The following CLIP3 variants were observed in gnomAD, a reference collection of about 807,000 sequenced individuals.
CLIP3 encodes the protein CAP-Gly domain containing linker protein 3.
A neutral mutation model predicts 59.4 loss-of-function variants in CLIP3; 15 were observed. The observed-to-expected ratio is 0.25, with a 90% CI of 0.17 to 0.39. CLIP3 has a LOEUF of 0.39. Among genes scored for constraint, CLIP3 ranks in the 10% least tolerant of loss-of-function variants. The pLI, the probability that CLIP3 is intolerant of heterozygous loss-of-function variation, is 1.00. For missense variants in CLIP3, 495 were observed against 765.7 expected, an observed-to-expected ratio of 0.65 and a Z score of 4.17; for synonymous variants, 300 against 321.6, an observed-to-expected ratio of 0.93 and a Z score of 0.72.
chr19:36,032,180 G>T lies in CLIP3; in HGVS notation c.166+12C>A, dbSNP rs1969282626. ...GCTCCAGGCCAGATTCCAGGGTGGGGACAGTGGTTACCGTAGTCCTTAGGG... is the reference window on the plus strand; with the variant it reads ...GCTCCAGGCCAGATTCCAGGGTGGGTACAGTGGTTACCGTAGTCCTTAGGG... On this transcript the variant is annotated intron_variant, in intron 2 of 13. Transcript: ENST00000360535. The surrounding 1 kb of genome is among the most constrained non-coding windows in gnomAD (Gnocchi z 4.3). The T allele has an allele frequency of 8.0e-7, 1 of 1,254,012 alleles. No homozygotes were observed. The highest frequency in any genetic ancestry group is 1.0e-6 in the Non-Finnish European group (1 of 985,986). The allele number at this position is 1,254,012 out of a possible 1,614,324, so 77.7% of individuals were successfully genotyped here.
In CLIP3 at chr19:36,032,597, C is replaced by G. The variant is rs888279683; in HGVS notation, c.-59+127G>C. The stretch of plus-strand genomic sequence containing the variant: ...GCCTGCCACCTCCCCCAGGCCCAGC[C>G]CCCCATTCTTCTCCTCCCGCGTCAG... On this transcript the variant is annotated intron_variant, in intron 1 of 13. Coordinates refer to ENST00000360535, the MANE Select transcript of CLIP3 (RefSeq NM_015526.3). This position sits in a 1 kb window ranked among gnomAD's most constrained non-coding sequence, Gnocchi z 4.3. 2.8e-6 allele frequency: 1 copy of G among 362,926 alleles called. No homozygotes were observed. The highest frequency in any genetic ancestry group is 4.6e-5 in the Admixed American group (1 of 21,604). The allele number at this position is 362,926 out of a possible 1,614,324, so 22.5% of individuals were successfully genotyped here.
Position 36,025,301 on chromosome 19 carries a change from C to T in CLIP3, c.682-669G>A, listed in dbSNP as rs570852909. Among the ~76,000 whole-genome samples, 23 of 152,120 alleles carry T rather than the reference C, an allele frequency of 1.5e-4. No homozygotes were observed. The East Asian group carries it at 3.3e-3, about 22-fold the overall frequency. ...GTGGGAGATGAACATTGAGAATGGG[C>T]TCCTGTGGGCTGGGTGCAGTGGCTT... is the stretch of plus-strand genomic sequence containing the variant. On this transcript the variant is annotated intron_variant, in intron 6 of 13. Coordinates refer to ENST00000360535, the MANE Select transcript of CLIP3 (RefSeq NM_015526.3).
chr19:36,019,316 G>C lies in CLIP3; in HGVS notation c.919-10C>G, dbSNP rs1351238183. The stretch of plus-strand genomic sequence containing the variant: ...ACCGCAGTGTGCCCGTCTGGGGAGA[G>C]AAGGGAGGCGATGGCTAAGGAAGGA... On this transcript the variant is annotated splice_polypyrimidine_tract_variant and intron_variant, in intron 7 of 13. Coordinates refer to ENST00000360535, the MANE Select transcript of CLIP3 (RefSeq NM_015526.3). 6.2e-7 allele frequency: 1 copy of C among 1,606,144 alleles called. No individual in the cohort carries two copies. The highest frequency in any genetic ancestry group is 1.7e-5 in the Admixed American group (1 of 58,908).
chr19:36,020,978 C>T (rs140225023), intron 7 of CLIP3, among the ~76,000 whole-genome samples: 11 of 152,224 alleles, frequency 7.2e-5, no homozygotes, highest in Non-Finnish European at 1.6e-4. Flanking sequence ...CTCAGTCTCC[C>T]GAGTAGCTGG....
In CLIP3 at chr19:36,026,188, C is replaced by T; in HGVS notation, c.640G>A (p.Ala214Thr). The change falls in exon 6 of 14, where the codon GCC becomes ACC. Residue 214 changes from alanine to threonine, a missense_variant. Ala to Thr is a moderately conservative substitution (Grantham distance 58, BLOSUM62 0). Around this residue, in one of 5 missense-constraint regions of CLIP3, gnomAD observed 194 missense variants for 327.8 expected, o/e 0.59. Coordinates refer to ENST00000360535, the MANE Select transcript of CLIP3 (RefSeq NM_015526.3). The surrounding 1 kb of genome is among the most constrained non-coding windows in gnomAD (Gnocchi z 6.3). Reference sequence around the variant, plus strand: ...GCGCCGTGCTCCAGCAAACATTTGGCGGCGCCCAGGCACAGGCTGGAAGCA... The same window carrying T: ...GCGCCGTGCTCCAGCAAACATTTGGTGGCGCCCAGGCACAGGCTGGAAGCA... Reference protein sequence around the residue: ...IAASSLCLGAAKCLLEHGANP... With the variant: ...IAASSLCLGATKCLLEHGANP... 1 of 1,613,740 alleles carries T rather than the reference C, an allele frequency of 6.2e-7. No individual in the cohort carries two copies. The highest frequency in any genetic ancestry group is 8.5e-7 in the Non-Finnish European group (1 of 1,179,938).
At position 36,026,936 on chromosome 19, in the gene CLIP3, G is replaced by A. The variant is rs762655031; in HGVS notation, c.400+16C>T. 6.5e-7 allele frequency: 1 copy of A among 1,530,382 alleles called. No homozygotes were observed. Among genetic ancestry groups the A allele is most frequent in the Non-Finnish European group, 8.8e-7 (1 of 1,141,574 alleles). The allele number at this position is 1,530,382 out of a possible 1,614,324, so 94.8% of individuals were successfully genotyped here. On this transcript the variant is annotated intron_variant, in intron 4 of 13. Transcript: ENST00000360535. The surrounding 1 kb of genome is among the most constrained non-coding windows in gnomAD (Gnocchi z 6.3). ...TAGGCTTTGGGGCTTATGACTTGGG[G>A]GTAGGGGGCCCTCACCGACTCCGTG...
chr19:36,026,815 C>T lies in CLIP3; in HGVS notation c.401-68G>A. The stretch of plus-strand genomic sequence containing the variant: ...CATGGGCCCAGTGCACGGGGAGGAC[C>T]CTGGGCTTCAGGGACTATACTTTGG... On this transcript the variant is annotated intron_variant, in intron 4 of 13. Coordinates refer to ENST00000360535, the MANE Select transcript of CLIP3 (RefSeq NM_015526.3). This position sits in a 1 kb window ranked among gnomAD's most constrained non-coding sequence, Gnocchi z 6.3. The T allele has an allele frequency of 2.8e-5, 43 of 1,560,030 alleles. No homozygotes were observed. The highest frequency in any genetic ancestry group is 3.6e-5 in the Non-Finnish European group (42 of 1,156,608).
intron 7 of CLIP3, among the ~76,000 whole-genome samples, chr19:36,019,604 TTTA>T (rs1247125659): frequency 9.9e-6 from 1 of 101,364 alleles, no homozygotes; most frequent in South Asian, 2.7e-4. Flanking sequence ...ATTTATTTTA[TTTA>T]TTTTTTTTTT....
intron 2 of CLIP3, among the ~76,000 whole-genome samples, chr19:36,029,325 A>T (rs2145410221): frequency 6.7e-6 from 1 of 148,672 alleles, no homozygotes. Context: ...AAAAAAAAAT[A>T]GGGTCTGTTG....
rs1054860741 is a variant in CLIP3, at chr19:36,015,091, G to A, written c.*1067C>T. ...AGGGCTTGAGGTGTCTGGGAGCCTG[G>A]AATGCATATCCTGACTGCAGTCTCC... On this transcript the variant is annotated 3_prime_UTR_variant, in exon 14 of 14. Coordinates refer to ENST00000360535, the MANE Select transcript of CLIP3 (RefSeq NM_015526.3). 14 of 152,198 alleles carry A rather than the reference G, an allele frequency of 9.2e-5. No individual in the cohort carries two copies. Among genetic ancestry groups the A allele is most frequent in the African/African-American group, 3.4e-4 (14 of 41,430 alleles). 9.4% of individuals were successfully genotyped at this position (152,198 alleles called of 1,614,324 possible).
intron 11 of CLIP3, 52 bp downstream of exon 11, chr19:36,017,603 G>A: frequency 6.2e-7 from 1 of 1,610,958 alleles, no homozygotes; most frequent in Non-Finnish European, 8.5e-7. Flanking sequence ...ATCTGAGGGG[G>A]GATCAGGGCT....
chr19:36,019,133 C>T, intron 8 of CLIP3, 38 bp downstream of exon 8: 1 of 1,612,362 alleles, frequency 6.2e-7, no homozygotes, highest in South Asian at 1.1e-5. Context: ...CGAGTGGACA[C>T]CCAGCCACAC....
intron 6 of CLIP3, among the ~76,000 whole-genome samples, chr19:36,025,906 T>C (rs1007529879): frequency 2.6e-5 from 4 of 152,248 alleles, no homozygotes; most frequent in Non-Finnish European, 5.9e-5. Flanking sequence ...ATAGGCTGGA[T>C]GACCCTGGGC....
Position 36,026,461 on chromosome 19 carries a change from G to T in CLIP3, c.562+125C>A. The T allele has an allele frequency of 3.1e-6, 4 of 1,295,804 alleles. No individual in the cohort carries two copies. The highest frequency in any genetic ancestry group is 4.1e-6 in the Non-Finnish European group (4 of 964,014). 80.3% of individuals were successfully genotyped at this position (1,295,804 alleles called of 1,614,324 possible). ...GTAGTCCCTGAGCCCCCTCTCCCACGCCTCCAACCTCCCGCTATCTCCTCA... is the reference window on the plus strand; with the variant it reads ...GTAGTCCCTGAGCCCCCTCTCCCACTCCTCCAACCTCCCGCTATCTCCTCA... On this transcript the variant is annotated intron_variant, in intron 5 of 13. Coordinates refer to ENST00000360535, the MANE Select transcript of CLIP3 (RefSeq NM_015526.3). This position sits in a 1 kb window ranked among gnomAD's most constrained non-coding sequence, Gnocchi z 6.3.
intron 2 of CLIP3, among the ~76,000 whole-genome samples, chr19:36,030,040 C>G (rs1340135713): frequency 1.3e-5 from 2 of 152,068 alleles, no homozygotes; most frequent in Non-Finnish European, 2.9e-5. Flanking sequence ...GACCTCAGGC[C>G]CCAGATAACT....
chr19:36,026,589 G>C lies in CLIP3; in HGVS notation c.559C>G (p.Arg187Gly), dbSNP rs766639655. The C allele has an allele frequency of 1.9e-6, 3 of 1,613,222 alleles. No homozygotes were observed. ...CAGCCAGGGCTCTCCTCCTCACCTC[G>C]CGGCCTCGCACCCTTCAGCAGCACA... ...VRVLLKGARP[R>G]VVNSTCSDFN... Residue 187 changes from arginine to glycine, a missense_variant, in exon 5 of 14, where the codon CGA (arginine) becomes GGA (glycine). Physicochemically the swap from Arg to Gly is moderately radical, Grantham distance 125 (BLOSUM62 -2). Around this residue, in one of 5 missense-constraint regions of CLIP3, gnomAD observed 194 missense variants for 327.8 expected, o/e 0.59. Transcript: ENST00000360535. The surrounding 1 kb of genome is among the most constrained non-coding windows in gnomAD (Gnocchi z 6.3).
chr19:36,016,962 T>C lies in CLIP3; in HGVS notation c.1534A>G (p.Thr512Ala). 6.2e-7 allele frequency: 1 copy of C among 1,613,862 alleles called. No individual in the cohort carries two copies. Among genetic ancestry groups the C allele is most frequent in the East Asian group, 2.2e-5 (1 of 44,862 alleles). ...HQVTMTQPKR[T>A]FTTVRTPKDI... ...TTTGGGGTCCGGACTGTGGTGAAGG[T>C]GCGTTTGGGCTGCGTCACTGAAGAG... The change falls in exon 13 of 14, where the codon ACC (threonine) becomes GCC (alanine). Residue 512 changes from threonine to alanine, a missense_variant. Physicochemically the swap from Thr to Ala is moderately conservative, Grantham distance 58. Transcript: ENST00000360535. The surrounding 1 kb of genome is among the most constrained non-coding windows in gnomAD (Gnocchi z 4.1).
At chr19:36,028,500 G>C (rs566578619) in intron 2 of CLIP3, among the ~76,000 whole-genome samples, 13 of 152,224 alleles carry the variant, frequency 8.5e-5, no homozygotes, top group South Asian at 2.1e-4. Flanking sequence ...CCCAGCACAG[G>C]GCCCTGGCAC....
At chr19:36,029,002 T>G (rs1969187376) in intron 2 of CLIP3, among the ~76,000 whole-genome samples, 1 of 136,016 alleles carries the variant, frequency 7.4e-6, no homozygotes, top group Non-Finnish European at 1.6e-5. Flanking sequence ...TACTCTTTTT[T>G]TTTTTTTTTT....
Sources: allele counts gnomAD v4.1 joint callset (sites outside exome capture counted in the v4.1 genomes callset), GRCh38; gene constraint gnomAD v4.1.1; regional missense constraint gnomAD v4.1.1; non-coding constraint Gnocchi (gnomAD v3.1); transcripts MANE v1.5; gene names NCBI Gene and HGNC (gene_info 2026-07-23, HGNC 2026-07-21).